The following EGFR variants were observed in gnomAD, a reference collection of about 807,000 sequenced individuals.
EGFR encodes epidermal growth factor receptor.
EGFR carries 58 observed loss-of-function variants against 143.0 expected under a neutral mutation model. The ratio of observed to expected loss-of-function variants is 0.41; its 90% CI spans 0.33 to 0.50. The LOEUF (loss-of-function observed/expected upper bound fraction) is 0.50. Among genes scored for constraint, EGFR ranks in the 20% least tolerant of loss-of-function variants. EGFR has a pLI of 0.39. For missense variants in EGFR, 1,307 were observed against 1,579.0 expected, an observed-to-expected ratio of 0.83 and a Z score of 2.92; for synonymous variants, 613 against 594.4, an observed-to-expected ratio of 1.03 and a Z score of -0.45.
intron 16 of EGFR, among the ~76,000 whole-genome samples, chr7:55,172,006 C>T (rs893266706): frequency 2.0e-5 from 3 of 152,194 alleles, no homozygotes; most frequent in Non-Finnish European, 2.9e-5. Flanking sequence ...GTCACATGAT[C>T]GAGGAAGAAG....
intron 1 of EGFR, among the ~76,000 whole-genome samples, chr7:55,052,008 C>G (rs1375980036): frequency 6.6e-6 from 1 of 152,234 alleles, no homozygotes; most frequent in East Asian, 1.9e-4. Flanking sequence ...TTCCTTCACC[C>G]ATGTGCCCAC....
chr7:55,101,075 G>T (rs982540109), intron 1 of EGFR, among the ~76,000 whole-genome samples: 1 of 152,148 alleles, frequency 6.6e-6, no homozygotes, highest in Non-Finnish European at 1.5e-5. Context: ...AGCCTCCTCC[G>T]AGCAACCCTC....
chr7:55,114,638 T>G lies in EGFR; in HGVS notation c.89-27648T>G, dbSNP rs188867815. ...TAAAAATACTATTTTTAAAAAAATC[T>G]GTATTTCTAACTTTTTATAACAAGG... On this transcript the variant is annotated intron_variant, in intron 1 of 27. Transcript: ENST00000275493. Among the ~76,000 whole-genome samples the G allele has an allele frequency of 3.5e-3, 528 of 152,270 alleles. 3 individuals are homozygous for G. Among genetic ancestry groups the G allele is most frequent in the Non-Finnish European group, 4.7e-3 (321 of 68,024 alleles).
At chr7:55,065,377 T>C (rs895902254) in intron 1 of EGFR, among the ~76,000 whole-genome samples, 1 of 152,242 alleles carries the variant, frequency 6.6e-6, no homozygotes, top group Non-Finnish European at 1.5e-5. Flanking sequence ...AAAGGGTTAA[T>C]GCACTTTCAA....
chr7:55,155,657 T>C (rs1474308734), intron 7 of EGFR, among the ~76,000 whole-genome samples, 173 bp from the exon 8 acceptor site: 1 of 152,224 alleles, frequency 6.6e-6, no homozygotes, highest in Non-Finnish European at 1.5e-5. Context: ...TATTAAACTC[T>C]TGAACGGGAT....
intron 1 of EGFR, among the ~76,000 whole-genome samples, chr7:55,067,793 G>A (rs1322174842): frequency 2.6e-5 from 4 of 151,268 alleles, no homozygotes; most frequent in Non-Finnish European, 5.9e-5. Flanking sequence ...CCCACCCATA[G>A]TTGCCATTGT....
At chr7:55,134,451 G>T (rs538221229) in intron 1 of EGFR, among the ~76,000 whole-genome samples, 3 of 152,210 alleles carry the variant, frequency 2.0e-5, no homozygotes, top group Non-Finnish European at 1.5e-5. Context: ...GCCTTCCTCC[G>T]TCCAAAAGCC....
At chr7:55,152,216 G>C (rs41364648) in intron 5 of EGFR, 1 of 469,120 alleles carries the variant, frequency 2.1e-6, no homozygotes, top group African/African-American at 2.0e-5. Context: ...ATTGTGGGGG[G>C]GCTGTTAGGC....
chr7:55,045,879 A>G (rs755653895), intron 1 of EGFR, among the ~76,000 whole-genome samples: 6 of 152,220 alleles, frequency 3.9e-5, no homozygotes, highest in Non-Finnish European at 8.8e-5. Context: ...CCAAACTAAG[A>G]TGTGTTGTGA....
intron 15 of EGFR, chr7:55,166,354 C>T: frequency 1.8e-6 from 1 of 560,644 alleles, no homozygotes; most frequent in Non-Finnish European, 3.5e-6. Context: ...GGAACTGTTA[C>T]TCATTCTTTC....
chr7:55,045,776 G>A (rs76946172), intron 1 of EGFR, among the ~76,000 whole-genome samples: 2,553 of 152,312 alleles, frequency 0.017, 90 homozygotes, highest in African/African-American at 0.058. Flanking sequence ...TGCTGCAGCT[G>A]TTCTTATAGA....
At position 55,139,069 on chromosome 7, in the gene EGFR, T is replaced by G. The variant is rs112769883; in HGVS notation, c.89-3217T>G. Among the ~76,000 whole-genome samples the G allele has an allele frequency of 2.8e-3, 434 of 152,324 alleles. 3 individuals are homozygous for G. Among genetic ancestry groups the G allele is most frequent in the African/African-American group, 9.3e-3 (386 of 41,578 alleles). ...CTCATGACCTAATTATAATACCTCT[T>G]AAAGTTTCCACCTCTCAACACTGTT... is the stretch of plus-strand genomic sequence containing the variant. On this transcript the variant is annotated intron_variant, in intron 1 of 27. Transcript: ENST00000275493.
chr7:55,129,673 C>A (rs1793725529), intron 1 of EGFR, among the ~76,000 whole-genome samples: 1 of 152,220 alleles, frequency 6.6e-6, no homozygotes, highest in African/African-American at 2.4e-5. Context: ...AAATAACAAT[C>A]CCCAGCCCCT....
Position 55,023,210 on chromosome 7 carries a change from C to T in EGFR, c.88+3845C>T, listed in dbSNP as rs567025162. On this transcript the variant is annotated intron_variant, in intron 1 of 27. Coordinates refer to ENST00000275493, the MANE Select transcript of EGFR (RefSeq NM_005228.5). ...GTGTGTGCCTGTGTGTCTGTGTGTG[C>T]GTGTTTTAATTTTGACTTCATAAGT... Among the ~76,000 whole-genome samples the T allele has an allele frequency of 1.9e-3, 294 of 152,158 alleles. 2 individuals carry two copies. Among genetic ancestry groups the T allele is most frequent in the African/African-American group, 6.9e-3 (287 of 41,512 alleles).
intron 11 of EGFR, among the ~76,000 whole-genome samples, chr7:55,158,315 G>C (rs71547918): frequency 6.6e-6 from 1 of 152,220 alleles, no homozygotes; most frequent in African/African-American, 2.4e-5. Flanking sequence ...CATCAGTTTA[G>C]TGGTGTGGAG....
At chr7:55,180,857 T>A (rs1363714348) in intron 19 of EGFR, 1 of 253,016 alleles carries the variant, frequency 4.0e-6, no homozygotes, top group East Asian at 1.0e-4. Context: ...ATGTGCAGGG[T>A]CAGTCATTAC....
intron 10 of EGFR, among the ~76,000 whole-genome samples, chr7:55,157,229 G>T (rs1459529161): frequency 6.6e-6 from 1 of 152,226 alleles, no homozygotes; most frequent in Non-Finnish European, 1.5e-5. Flanking sequence ...CCTGAGCTCC[G>T]CTTCCTTCCT....
rs76656661 is a variant in EGFR, at chr7:55,099,663, A to C, written c.89-42623A>C. ...TGTGTCCACCTGGGACTCTGCCTTCAGGGCTTCTTGCCTGGCTGGGAGCTG... is the reference window on the plus strand; with the variant it reads ...TGTGTCCACCTGGGACTCTGCCTTCCGGGCTTCTTGCCTGGCTGGGAGCTG... On this transcript the variant is annotated intron_variant, in intron 1 of 27. Coordinates refer to ENST00000275493, the MANE Select transcript of EGFR (RefSeq NM_005228.5). Among the ~76,000 whole-genome samples, 47 of 152,308 alleles carry C rather than the reference A, an allele frequency of 3.1e-4. 1 individual carries two copies. The East Asian group carries it at 8.5e-3, about 28-fold the overall frequency.
At chr7:55,125,943 C>G (rs1793498950) in intron 1 of EGFR, among the ~76,000 whole-genome samples, 1 of 152,184 alleles carries the variant, frequency 6.6e-6, no homozygotes, top group South Asian at 2.1e-4. Flanking sequence ...GCAGGAACCT[C>G]TCCATCCCAC....
Sources: allele counts gnomAD v4.1 joint callset (sites outside exome capture counted in the v4.1 genomes callset), GRCh38; gene constraint gnomAD v4.1.1; transcripts MANE v1.5; gene names NCBI Gene and HGNC (gene_info 2026-07-23, HGNC 2026-07-21).